The following ECPAS variants were observed in gnomAD, a reference collection of about 807,000 sequenced individuals.
The protein encoded by ECPAS is Ecm29 proteasome adaptor and scaffold, also known as proteasome adapter and scaffold protein ECM29.
In ECPAS, 70 loss-of-function variants were observed where a neutral mutation model predicts 255.1. That is an observed-to-expected ratio of 0.27 (90% CI 0.23 to 0.33). The LOEUF is 0.33. Among genes scored for constraint, ECPAS ranks in the 10% least tolerant of loss-of-function variants. The pLI is 1.00. For missense variants in ECPAS, 1,817 were observed against 2,206.4 expected, an observed-to-expected ratio of 0.82 and a Z score of 3.54; for synonymous variants, 784 against 775.0, an observed-to-expected ratio of 1.01 and a Z score of -0.19.
chr9:111,392,919 A>G, intron 27 of ECPAS, 37 bp from the exon 28 acceptor site: 1 of 1,487,394 alleles, frequency 6.7e-7, no homozygotes, highest in East Asian at 2.3e-5. Context: ...TCACTTTAAA[A>G]AAAATTTTGT....
intron 7 of ECPAS, among the ~76,000 whole-genome samples, chr9:111,434,917 T>TTTTTTC (rs1554794299): frequency 5.6e-5 from 8 of 141,620 alleles, no homozygotes; most frequent in African/African-American, 1.0e-4. Context: ...TTTTTTTTTT[T>TTTTTTC]ACACAGAGTC....
chr9:111,470,627 G>A (rs907741223), intron 2 of ECPAS, among the ~76,000 whole-genome samples: 1 of 151,918 alleles, frequency 6.6e-6, no homozygotes, highest in Non-Finnish European at 1.5e-5. Flanking sequence ...TATGATTCCA[G>A]GCTACTTCAA....
chr9:111,414,673 A>C, intron 18 of ECPAS, 22 bp from the exon 19 acceptor site: 1 of 1,591,022 alleles, frequency 6.3e-7, no homozygotes, highest in Non-Finnish European at 8.6e-7. Context: ...ACGGAGAGGA[A>C]GACTGCATAA....
intron 24 of ECPAS, among the ~76,000 whole-genome samples, chr9:111,398,994 T>C (rs542192043): frequency 1.1e-4 from 17 of 152,242 alleles, no homozygotes; most frequent in Admixed American, 3.9e-4. Flanking sequence ...AGTGTGGCTA[T>C]AGTCAATAAT....
chr9:111,464,413 G>T (rs2098276786), intron 2 of ECPAS, among the ~76,000 whole-genome samples: 1 of 148,428 alleles, frequency 6.7e-6, no homozygotes, highest in African/African-American at 2.5e-5. Flanking sequence ...ATGGGCAACT[G>T]AGCAAGATCC....
intron 35 of ECPAS, among the ~76,000 whole-genome samples, chr9:111,379,134 A>G (rs2098137312): frequency 1.3e-5 from 2 of 152,178 alleles, no homozygotes; most frequent in Admixed American, 1.3e-4. Flanking sequence ...TACAGCCGCT[A>G]TTCCCCCCTG....
intron 11 of ECPAS, 60 bp from the exon 12 acceptor site, chr9:111,425,556 C>T (rs1457318441): frequency 4.6e-5 from 55 of 1,203,768 alleles, no homozygotes; most frequent in Admixed American, 8.1e-5. Context: ...CATATCTTTA[C>T]GGATGATTAC....
At position 111,382,405 on chromosome 9, in the gene ECPAS, C is replaced by T. The variant is rs183253323; in HGVS notation, c.3803+806G>A. ...TCAGCCTCCCAAGTAGCTGGGATTA[C>T]AGGCATGCACCACCACACCCGGCTA... On this transcript the variant is annotated intron_variant, in intron 35 of 49. Coordinates refer to ENST00000684092, the MANE Select transcript of ECPAS (RefSeq NM_001364929.1). Among the ~76,000 whole-genome samples, 137 of 151,916 alleles carry T rather than the reference C, an allele frequency of 9.0e-4. 1 individual carries two copies. The highest frequency in any genetic ancestry group is 3.0e-3 in the African/African-American group (126 of 41,410).
At chr9:111,390,345 G>A (rs1357428438) in intron 29 of ECPAS, among the ~76,000 whole-genome samples, 1 of 152,078 alleles carries the variant, frequency 6.6e-6, no homozygotes, top group Admixed American at 6.5e-5. Context: ...GCACCTCTAA[G>A]TCCATAGCCA....
In ECPAS at chr9:111,484,374, A is replaced by T; in HGVS notation, c.-341T>A. On this transcript the variant is annotated 5_prime_UTR_variant, in exon 1 of 50. Coordinates refer to ENST00000684092, the MANE Select transcript of ECPAS (RefSeq NM_001364929.1). ...GAAACACGCCTGTCCAAAGGAAGAGACGTGGACTCAGAAAAGTAGAGCCGG... is the reference window on the plus strand; with the variant it reads ...GAAACACGCCTGTCCAAAGGAAGAGTCGTGGACTCAGAAAAGTAGAGCCGG... 6.2e-7 allele frequency: 1 copy of T among 1,611,676 alleles called. No homozygotes were observed. Among genetic ancestry groups the T allele is most frequent in the Non-Finnish European group, 8.5e-7 (1 of 1,179,404 alleles).
At chr9:111,381,498 T>C (rs2098140500) in intron 35 of ECPAS, among the ~76,000 whole-genome samples, 3 of 152,140 alleles carry the variant, frequency 2.0e-5, no homozygotes, top group Admixed American at 1.3e-4. Flanking sequence ...AAATATGACA[T>C]AGAGATATGA....
rs535199628 is a variant in ECPAS, at chr9:111,383,349, A to T, written c.3682-17T>A. ...CACACAGACCTCACATACAAAGAGC[A>T]TGGACGTTAGTGAAAGTGACCGCGC... On this transcript the variant is annotated splice_polypyrimidine_tract_variant and intron_variant, in intron 34 of 49. Coordinates refer to ENST00000684092, the MANE Select transcript of ECPAS (RefSeq NM_001364929.1). The T allele has an allele frequency of 1.2e-6, 2 of 1,601,100 alleles. No homozygotes were observed. The highest frequency in any genetic ancestry group is 1.1e-5 in the South Asian group (1 of 89,246).
intron 1 of ECPAS, among the ~76,000 whole-genome samples, chr9:111,476,884 A>T (rs2098296891): frequency 6.6e-6 from 1 of 151,976 alleles, no homozygotes; most frequent in South Asian, 2.1e-4. Context: ...GCTAGTCTTG[A>T]ACTCCTGACC....
intron 18 of ECPAS, among the ~76,000 whole-genome samples, chr9:111,415,250 T>TGA (rs773566732): frequency 1.8e-3 from 235 of 133,364 alleles, no homozygotes; most frequent in Non-Finnish European, 2.5e-3. Context: ...TGTGTGTGTG[T>TGA]GTGAGAGAGA....
At chr9:111,420,260 C>T (rs550416672) in intron 15 of ECPAS, 140 bp from the exon 16 acceptor site, 6 of 592,850 alleles carry the variant, frequency 1.0e-5, no homozygotes, top group African/African-American at 1.9e-5. Flanking sequence ...TTTTAATAAA[C>T]GTGTATCTAA....
intron 7 of ECPAS, among the ~76,000 whole-genome samples, chr9:111,433,778 A>AGG (rs779941320): frequency 4.8e-4 from 73 of 152,256 alleles, no homozygotes; most frequent in Non-Finnish European, 1.0e-3. Flanking sequence ...TCCAGATAAG[A>AGG]GGGTGGTACA....
chr9:111,425,244 C>CA (rs984054407), intron 12 of ECPAS, among the ~76,000 whole-genome samples, 174 bp downstream of exon 12: 1 of 150,874 alleles, frequency 6.6e-6, no homozygotes, highest in Non-Finnish European at 1.5e-5. Context: ...TATTTCCCCC[C>CA]AAAAAAGCAA....
chr9:111,408,516 A>G, intron 24 of ECPAS, 55 bp downstream of exon 24: 2 of 1,169,120 alleles, frequency 1.7e-6, no homozygotes, highest in South Asian at 1.7e-5. Context: ...AAAAAAAAAA[A>G]AAAGACCAAT....
chr9:111,466,285 A>T (rs1464415413), intron 2 of ECPAS, among the ~76,000 whole-genome samples: 9 of 151,902 alleles, frequency 5.9e-5, no homozygotes, highest in Non-Finnish European at 1.2e-4. Context: ...TGTCTAGTAA[A>T]AATACAAAAA....
Sources: gnomAD v4.1 joint callset for allele counts (sites outside exome capture counted in the v4.1 genomes callset) on GRCh38, gnomAD v4.1.1 for gene constraint, MANE v1.5 for transcripts, NCBI Gene and HGNC (gene_info 2026-07-23, HGNC 2026-07-21) for gene names.